Variants in TMEM132D observed in about 807,000 individuals in gnomAD.
TMEM132D encodes the protein transmembrane protein 132D, also known as mature OL transmembrane protein.
Under a neutral mutation model 62.3 loss-of-function variants are expected in TMEM132D, and 21 were observed. That is an observed-to-expected ratio of 0.34 (90% CI 0.24 to 0.49). The LOEUF (loss-of-function observed/expected upper bound fraction) is 0.49, where lower values mean the gene tolerates loss of function less well. Ranked by LOEUF, TMEM132D falls within the 20% of genes least tolerant of loss-of-function variation. The pLI is 0.99. For synonymous variants in TMEM132D, 621 were observed against 575.6 expected (o/e 1.08, Z -1.13); for missense variants, 1,346 against 1,402.8 (o/e 0.96, Z 0.65).
intron 4 of TMEM132D, among the ~76,000 whole-genome samples, chr12:129,305,662 A>T (rs4759609): frequency 0.32 from 49,255 of 152,024 alleles, 8,513 homozygotes; most frequent in Non-Finnish European, 0.39. Flanking sequence ...TGAGCTCTGG[A>T]GCTTGACTGC....
At chr12:129,601,457 C>T (rs1361745951) in intron 2 of TMEM132D, among the ~76,000 whole-genome samples, 1 of 152,160 alleles carries the variant, frequency 6.6e-6, no homozygotes, top group African/African-American at 2.4e-5. Context: ...TCTCCACGTT[C>T]GAAACATAAC....
chr12:129,393,131 A>G (rs1175223101), intron 3 of TMEM132D, among the ~76,000 whole-genome samples: 1 of 152,210 alleles, frequency 6.6e-6, no homozygotes, highest in Non-Finnish European at 1.5e-5. Context: ...GGCTCAAACC[A>G]CACTCTGTAG....
At chr12:129,902,211 T>C (rs1315717326) in intron 1 of TMEM132D, among the ~76,000 whole-genome samples, 1 of 152,188 alleles carries the variant, frequency 6.6e-6, no homozygotes, top group Non-Finnish European at 1.5e-5. Context: ...AACAGACAAT[T>C]CATGTAATTA....
At chr12:129,156,166 C>T (rs1877239249) in intron 5 of TMEM132D, among the ~76,000 whole-genome samples, 1 of 144,722 alleles carries the variant, frequency 6.9e-6, no homozygotes, top group African/African-American at 2.6e-5. Flanking sequence ...CCAATATAAA[C>T]CAACCTATTC....
In TMEM132D at chr12:129,688,125, T is replaced by C. The variant is rs540926564; in HGVS notation, c.968+11685A>G. ...CTGGAGCCACTGGGGATTAACATCC[T>C]GAAAAGAGAATTCATGAAACTGTGT... On this transcript the variant is annotated intron_variant, in intron 2 of 8. Coordinates refer to ENST00000422113, the MANE Select transcript of TMEM132D (RefSeq NM_133448.3). Among the ~76,000 whole-genome samples the C allele has an allele frequency of 4.6e-5, 7 of 152,264 alleles. No individual in the cohort carries two copies. In the South Asian group the frequency reaches 1.4e-3, roughly 32 times the overall value.
chr12:129,139,238 C>T (rs956012677), intron 5 of TMEM132D, among the ~76,000 whole-genome samples: 5 of 152,128 alleles, frequency 3.3e-5, no homozygotes, highest in African/African-American at 1.2e-4. Flanking sequence ...CAGTAGAGAG[C>T]AAAACATTTC....
intron 1 of TMEM132D, among the ~76,000 whole-genome samples, chr12:129,784,620 G>C (rs571025326): frequency 1.3e-5 from 2 of 151,844 alleles, no homozygotes; most frequent in Non-Finnish European, 1.5e-5. Context: ...TCTTTGTTTT[G>C]TCTCTCCCCT....
intron 1 of TMEM132D, among the ~76,000 whole-genome samples, chr12:129,797,684 C>T (rs1871608278): frequency 6.6e-6 from 1 of 152,190 alleles, no homozygotes; most frequent in Non-Finnish European, 1.5e-5. Flanking sequence ...CAGGTGGAAG[C>T]CATTGTGCCT....
At chr12:129,299,056 A>G (rs1298642175) in intron 4 of TMEM132D, among the ~76,000 whole-genome samples, 1 of 152,196 alleles carries the variant, frequency 6.6e-6, no homozygotes, top group Non-Finnish European at 1.5e-5. Context: ...AGCGCTTCAG[A>G]AGGAAGTTCC....
chr12:129,425,700 G>A (rs7296655), intron 3 of TMEM132D, among the ~76,000 whole-genome samples: 45,028 of 151,904 alleles, frequency 0.3, 7,698 homozygotes, highest in East Asian at 0.48. Context: ...GAGAGGATGT[G>A]GTATTTGCAG....
chr12:129,683,430 C>A (rs1424824430), intron 2 of TMEM132D, among the ~76,000 whole-genome samples: 3 of 152,146 alleles, frequency 2.0e-5, no homozygotes, highest in Non-Finnish European at 2.9e-5. Flanking sequence ...GTGCTTGGCA[C>A]AAATAGATAT....
At chr12:129,080,519 C>T (rs1161700600) in intron 7 of TMEM132D, among the ~76,000 whole-genome samples, 1 of 152,200 alleles carries the variant, frequency 6.6e-6, no homozygotes, top group Non-Finnish European at 1.5e-5. Context: ...ATATACCAGC[C>T]AATTTTCCAG....
chr12:129,643,581 A>C (rs1424933759), intron 2 of TMEM132D, among the ~76,000 whole-genome samples: 1 of 152,160 alleles, frequency 6.6e-6, no homozygotes, highest in Non-Finnish European at 1.5e-5. Context: ...AAGGAAAATC[A>C]ATCTTGGGGC....
At chr12:129,123,266 T>G (rs2135656422) in intron 5 of TMEM132D, among the ~76,000 whole-genome samples, 1 of 152,362 alleles carries the variant, frequency 6.6e-6, no homozygotes, top group Admixed American at 6.5e-5. Flanking sequence ...GACATTGTGT[T>G]ATATTTTATA....
intron 5 of TMEM132D, among the ~76,000 whole-genome samples, chr12:129,086,201 C>CGCGCGCGTGT (rs1349816832): frequency 7.1e-6 from 1 of 141,038 alleles, no homozygotes; most frequent in Non-Finnish European, 1.5e-5. Context: ...CACGCGCGCG[C>CGCGCGCGTGT]GTGTGTGTGT....
intron 4 of TMEM132D, among the ~76,000 whole-genome samples, chr12:129,243,852 G>A (rs1880000401): frequency 6.6e-6 from 1 of 152,140 alleles, no homozygotes; most frequent in Non-Finnish European, 1.5e-5. Context: ...ATACACCTTA[G>A]ATAATTACTT....
intron 3 of TMEM132D, among the ~76,000 whole-genome samples, chr12:129,360,702 T>A (rs1001993906): frequency 5.9e-5 from 9 of 152,110 alleles, no homozygotes; most frequent in African/African-American, 1.9e-4. Context: ...GATCAGTCCA[T>A]GGAAGGGTGA....
At chr12:129,812,504 C>T (rs1398949022) in intron 1 of TMEM132D, among the ~76,000 whole-genome samples, 3 of 151,760 alleles carry the variant, frequency 2.0e-5, no homozygotes, top group African/African-American at 7.3e-5. Flanking sequence ...GAATCGTCTC[C>T]AGAAGCTGTC....
intron 3 of TMEM132D, among the ~76,000 whole-genome samples, chr12:129,445,494 G>A (rs1873071031): frequency 6.6e-6 from 1 of 152,108 alleles, no homozygotes; most frequent in African/African-American, 2.4e-5. Context: ...TAGACTGTAA[G>A]CCTCTAGATT....
Sources: allele counts gnomAD v4.1 joint callset (sites outside exome capture counted in the v4.1 genomes callset), GRCh38; gene constraint gnomAD v4.1.1; transcripts MANE v1.5; gene names NCBI Gene and HGNC (gene_info 2026-07-23, HGNC 2026-07-21).